The following CPT1A variants were observed in gnomAD, a reference collection of about 807,000 sequenced individuals.
CPT1A encodes carnitine palmitoyltransferase 1A, also known as carnitine O-palmitoyltransferase 1, liver isoform.
In CPT1A, 64 loss-of-function variants were observed where a neutral mutation model predicts 100.8. That is an observed-to-expected ratio of 0.63 (90% CI 0.52 to 0.78). The LOEUF (loss-of-function observed/expected upper bound fraction) is 0.78, where lower values mean the gene tolerates loss of function less well. Among genes scored for constraint, CPT1A ranks in the 30% least tolerant of loss-of-function variants. The probability of loss-of-function intolerance (pLI) is 0.00; values close to 1 mark genes in which losing one functional copy is unlikely to be tolerated. For missense variants in CPT1A, 802 were observed against 1,034.1 expected, an observed-to-expected ratio of 0.78 and a Z score of 3.08; for synonymous variants, 363 against 396.0, an observed-to-expected ratio of 0.92 and a Z score of 0.99.
Position 68,757,563 on chromosome 11 carries a change from G to C in CPT1A, c.*81C>G, listed in dbSNP as rs1946715192. 6.2e-7 allele frequency: 1 copy of C among 1,608,284 alleles called. No individual in the cohort carries two copies. The highest frequency in any genetic ancestry group is 8.5e-7 in the Non-Finnish European group (1 of 1,177,442). On this transcript the variant is annotated 3_prime_UTR_variant, in exon 19 of 19. Coordinates refer to ENST00000265641, the MANE Select transcript of CPT1A (RefSeq NM_001876.4). The stretch of plus-strand genomic sequence containing the variant: ...TTTTAAGAGCAGTGTTTCATCCCGA[G>C]CTAAGGTCAGGATTAATGCCTATTT...
At chr11:68,833,718 G>A (rs1243983738) in intron 1 of CPT1A, among the ~76,000 whole-genome samples, 1 of 151,366 alleles carries the variant, frequency 6.6e-6, no homozygotes, top group Non-Finnish European at 1.5e-5. Flanking sequence ...TGGGCAACAA[G>A]AGCGAAACTC....
chr11:68,828,967 C>A (rs1408403425), intron 1 of CPT1A, among the ~76,000 whole-genome samples: 2 of 152,228 alleles, frequency 1.3e-5, no homozygotes, highest in South Asian at 2.1e-4. Context: ...AGCCAGCCCC[C>A]CAGGACTTTA....
At chr11:68,795,505 G>T (rs370512976) in intron 7 of CPT1A, among the ~76,000 whole-genome samples, 1 of 152,110 alleles carries the variant, frequency 6.6e-6, no homozygotes, top group South Asian at 2.1e-4. Flanking sequence ...AGCAGGAAAA[G>T]AAGTTCTATG....
intron 1 of CPT1A, among the ~76,000 whole-genome samples, chr11:68,824,125 G>A (rs1856660721): frequency 6.6e-6 from 1 of 151,664 alleles, no homozygotes; most frequent in Non-Finnish European, 1.5e-5. Flanking sequence ...GCAGACGCCT[G>A]TAATCCCAGC....
chr11:68,813,692 G>A (rs1319209027), intron 2 of CPT1A, among the ~76,000 whole-genome samples: 1 of 91,762 alleles, frequency 1.1e-5, no homozygotes, highest in Non-Finnish European at 2.6e-5. Context: ...GCAAGACCCT[G>A]TCTCAAAAAA....
chr11:68,831,677 A>G (rs1856885459), intron 1 of CPT1A, among the ~76,000 whole-genome samples: 1 of 147,284 alleles, frequency 6.8e-6, no homozygotes, highest in African/African-American at 2.5e-5. Flanking sequence ...TCCATCACCC[A>G]GGCTGGAGTG....
intron 1 of CPT1A, among the ~76,000 whole-genome samples, chr11:68,834,270 C>A (rs185578501): frequency 3.9e-5 from 6 of 152,158 alleles, no homozygotes; most frequent in Middle Eastern, 3.4e-3. Context: ...AACCTCATCT[C>A]TAGTAAAAAT....
At chr11:68,790,043 C>T (rs1855570738) in intron 9 of CPT1A, among the ~76,000 whole-genome samples, 1 of 152,018 alleles carries the variant, frequency 6.6e-6, no homozygotes, top group African/African-American at 2.4e-5. Flanking sequence ...CTGTGAAAAC[C>T]TTATTTCTTA....
chr11:68,813,629 T>C (rs1405298140), intron 2 of CPT1A, among the ~76,000 whole-genome samples: 1 of 144,110 alleles, frequency 6.9e-6, no homozygotes, highest in African/African-American at 2.6e-5. Flanking sequence ...CTGAGCCCAG[T>C]GAGGCTACAG....
intron 5 of CPT1A, 85 bp downstream of exon 5, chr11:68,803,915 C>G: frequency 9.3e-7 from 1 of 1,070,088 alleles, no homozygotes; most frequent in South Asian, 1.3e-5. Context: ...AGCCAAATGG[C>G]GGTGACCTAG....
chr11:68,782,016 A>T, intron 10 of CPT1A, 57 bp from the exon 11 acceptor site: 1 of 1,468,026 alleles, frequency 6.8e-7, no homozygotes, highest in East Asian at 2.3e-5. Flanking sequence ...ATGGAGCGTG[A>T]TGTTTGAAAT....
chr11:68,813,710 AGGG>A (rs1356738696), intron 2 of CPT1A, among the ~76,000 whole-genome samples: 14 of 138,988 alleles, frequency 1.0e-4, no homozygotes, highest in South Asian at 4.8e-4. Context: ...AAAAAAAAAG[AGGG>A]GAGGGGAGGG....
At chr11:68,771,426 C>T (rs767470186) in intron 14 of CPT1A, among the ~76,000 whole-genome samples, 18 of 152,206 alleles carry the variant, frequency 1.2e-4, no homozygotes, top group Non-Finnish European at 1.9e-4. Context: ...TCATACTGCA[C>T]GTTTACGGGC....
At chr11:68,789,050 T>C (rs976985449) in intron 9 of CPT1A, among the ~76,000 whole-genome samples, 1 of 152,202 alleles carries the variant, frequency 6.6e-6, no homozygotes. Context: ...AGCGTTCACA[T>C]ACTGGAATTG....
At chr11:68,838,316 T>G in intron 1 of CPT1A, among the ~76,000 whole-genome samples, 1 of 151,826 alleles carries the variant, frequency 6.6e-6, no homozygotes, top group Non-Finnish European at 1.5e-5. Flanking sequence ...GATACCCAAA[T>G]AGGGTAGCTG....
At chr11:68,815,166 C>T (rs1021892094) in intron 2 of CPT1A, among the ~76,000 whole-genome samples, 168 bp downstream of exon 2, 4 of 152,178 alleles carry the variant, frequency 2.6e-5, no homozygotes, top group Admixed American at 6.5e-5. Context: ...TCCAAGCATC[C>T]AGTGAGCTAA....
At chr11:68,807,840 A>G (rs1348668832) in intron 3 of CPT1A, among the ~76,000 whole-genome samples, 1 of 152,098 alleles carries the variant, frequency 6.6e-6, no homozygotes, top group African/African-American at 2.4e-5. Context: ...CCCAAAACCA[A>G]TCACGCCGAA....
intron 14 of CPT1A, among the ~76,000 whole-genome samples, chr11:68,772,167 C>T (rs190261457): frequency 6.6e-6 from 1 of 152,332 alleles, no homozygotes; most frequent in East Asian, 1.9e-4. Flanking sequence ...GCCTGCTCAA[C>T]ATGGTGAAAC....
At chr11:68,761,134 A>C (rs1048521082) in intron 16 of CPT1A, among the ~76,000 whole-genome samples, 1 of 151,714 alleles carries the variant, frequency 6.6e-6, no homozygotes, top group African/African-American at 2.4e-5. Flanking sequence ...GCTTGTGTCT[A>C]GGAGTTTGAG....
Sources: allele counts gnomAD v4.1 joint callset (sites outside exome capture counted in the v4.1 genomes callset), GRCh38; gene constraint gnomAD v4.1.1; transcripts MANE v1.5; gene names NCBI Gene and HGNC (gene_info 2026-07-23, HGNC 2026-07-21).